Variants in DIS3L2 observed in about 807,000 individuals in gnomAD.
The protein encoded by DIS3L2 is DIS3-like exonuclease 2.
In DIS3L2, 34 loss-of-function variants were observed where a neutral mutation model predicts 97.5. That is an observed-to-expected ratio of 0.35 (90% CI 0.27 to 0.46). The LOEUF (loss-of-function observed/expected upper bound fraction) is 0.46. DIS3L2 is among the 20% of genes least tolerant of loss of function. The probability of loss-of-function intolerance (pLI) is 1.00; values close to 1 mark genes in which losing one functional copy is unlikely to be tolerated. For synonymous variants in DIS3L2, 435 were observed against 445.2 expected, an observed-to-expected ratio of 0.98 and a Z score of 0.29; for missense variants, 1,038 against 1,146.0, an observed-to-expected ratio of 0.91 and a Z score of 1.36.
chr2:232,109,184 G>A (rs1441717563), intron 6 of DIS3L2, among the ~76,000 whole-genome samples: 3 of 152,326 alleles, frequency 2.0e-5, no homozygotes, highest in East Asian at 1.9e-4. Flanking sequence ...GGTGGCTCAT[G>A]CCTGTAATCC....
chr2:232,228,000 T>G (rs148938017), intron 10 of DIS3L2, among the ~76,000 whole-genome samples: 121 of 152,308 alleles, frequency 7.9e-4, no homozygotes, highest in Admixed American at 6.9e-3. Flanking sequence ...GGAGTTTTGC[T>G]CTTGTTGCCC....
intron 9 of DIS3L2, among the ~76,000 whole-genome samples, chr2:232,170,327 A>G (rs1029338571): frequency 6.6e-6 from 1 of 152,150 alleles, no homozygotes; most frequent in African/African-American, 2.4e-5. Context: ...GAAAATGAAA[A>G]CCTAAATATT....
chr2:231,975,621 C>T (rs1693061590), intron 1 of DIS3L2, among the ~76,000 whole-genome samples: 1 of 143,734 alleles, frequency 7.0e-6, no homozygotes, highest in African/African-American at 2.6e-5. Flanking sequence ...AGGAGAATGG[C>T]GTGAACCCAG....
chr2:232,171,074 C>G (rs977313766), intron 9 of DIS3L2, among the ~76,000 whole-genome samples: 1 of 152,152 alleles, frequency 6.6e-6, no homozygotes, highest in Admixed American at 6.5e-5. Flanking sequence ...GGAAGTTAGT[C>G]CTAGTTCTCC....
At chr2:232,215,172 CCA>C (rs1692297361) in intron 10 of DIS3L2, among the ~76,000 whole-genome samples, 1 of 152,192 alleles carries the variant, frequency 6.6e-6, no homozygotes, top group Admixed American at 6.5e-5. Context: ...TACACCTTAA[CCA>C]CAGTTTAGCA....
chr2:232,042,212 C>G (rs1390341510), intron 5 of DIS3L2, among the ~76,000 whole-genome samples: 2 of 152,082 alleles, frequency 1.3e-5, no homozygotes, highest in African/African-American at 4.8e-5. Context: ...ATGGTTGTTT[C>G]AAACCTTCTT....
chr2:232,334,549 C>T, intron 18 of DIS3L2, 50 bp downstream of exon 18: 1 of 1,608,290 alleles, frequency 6.2e-7, no homozygotes, highest in Non-Finnish European at 8.5e-7. Context: ...TCCCGACCCT[C>T]CTGGGCACCT....
At chr2:232,274,363 A>T (rs1011260983) in intron 13 of DIS3L2, among the ~76,000 whole-genome samples, 1 of 152,158 alleles carries the variant, frequency 6.6e-6, no homozygotes, top group Non-Finnish European at 1.5e-5. Flanking sequence ...CCCTGCCTCC[A>T]TGTCACACTC....
intron 8 of DIS3L2, among the ~76,000 whole-genome samples, chr2:232,148,970 C>T (rs1271206606): frequency 1.4e-5 from 2 of 147,792 alleles, no homozygotes; most frequent in Non-Finnish European, 3.0e-5. Flanking sequence ...TTAGTATTGA[C>T]ACTTAAAATA....
At chr2:232,327,858 C>G (rs1319411086) in intron 14 of DIS3L2, among the ~76,000 whole-genome samples, 3 of 152,224 alleles carry the variant, frequency 2.0e-5, no homozygotes, top group Non-Finnish European at 4.4e-5. Flanking sequence ...GGCAGAGGGC[C>G]TGCCAGTGCA....
chr2:232,133,497 T>C (rs577815693), intron 7 of DIS3L2, among the ~76,000 whole-genome samples: 6 of 152,212 alleles, frequency 3.9e-5, no homozygotes, highest in South Asian at 2.1e-4. Context: ...CAGGATACAA[T>C]TGGAAACCAC....
At chr2:232,112,520 TTACTGAACTGGTAAA>T (rs776131359) in intron 6 of DIS3L2, among the ~76,000 whole-genome samples, 23 of 152,214 alleles carry the variant, frequency 1.5e-4, no homozygotes, top group Non-Finnish European at 5.9e-5. Flanking sequence ...GGAAGTCCCC[TTACTGAACTGGTAAA>T]TACAGTCTGC....
chr2:232,297,994 G>C lies in DIS3L2; in HGVS notation c.1660-2046G>C, dbSNP rs555612521. On this transcript the variant is annotated intron_variant, in intron 13 of 20. Transcript: ENST00000325385. ...TTATAGGCATGAGCCACCACATCTG[G>C]CCTCAGTCTTTCTTCTAGGAAGTCT... is the stretch of plus-strand genomic sequence containing the variant. Among the ~76,000 whole-genome samples the C allele has an allele frequency of 9.9e-4, 150 of 152,276 alleles. 1 individual carries two copies. The highest frequency in any genetic ancestry group is 3.4e-3 in the African/African-American group (141 of 41,566).
rs921440694 is a variant in DIS3L2, at chr2:232,292,078, C to T, written c.1660-7962C>T. ...CTACCTGTTCAGTAGCCCAGAGGGA[C>T]CCCTGGCATGCTTGCCTAGCCACAC... On this transcript the variant is annotated intron_variant, in intron 13 of 20. Coordinates refer to ENST00000325385, the MANE Select transcript of DIS3L2 (RefSeq NM_152383.5). The surrounding 1 kb of genome is among the most constrained non-coding windows in gnomAD (Gnocchi z 4.4). Among the ~76,000 whole-genome samples, 8 of 152,264 alleles carry T rather than the reference C, an allele frequency of 5.3e-5. No individual in the cohort carries two copies. In the East Asian group the frequency reaches 1.5e-3, roughly 29 times the overall value.
chr2:232,024,812 GTACAAGGCTCTT>G (rs1260067314), intron 4 of DIS3L2, among the ~76,000 whole-genome samples: 1 of 151,740 alleles, frequency 6.6e-6, no homozygotes, highest in African/African-American at 2.4e-5. Flanking sequence ...ATAAAACTTT[GTACAAGGCTCTT>G]TACCGTTGGG....
At chr2:232,227,926 C>T (rs567205576) in intron 10 of DIS3L2, among the ~76,000 whole-genome samples, 3 of 152,182 alleles carry the variant, frequency 2.0e-5, no homozygotes, top group African/African-American at 4.8e-5. Context: ...GTATATTTGG[C>T]TGGTAGAGAC....
chr2:232,098,177 G>A (rs575498112), intron 6 of DIS3L2, among the ~76,000 whole-genome samples: 5 of 152,082 alleles, frequency 3.3e-5, no homozygotes, highest in Non-Finnish European at 7.4e-5. Context: ...TCCTCCCTAT[G>A]AAGTTTACAA....
chr2:232,272,484 C>T (rs554443611), intron 13 of DIS3L2, among the ~76,000 whole-genome samples: 17 of 152,198 alleles, frequency 1.1e-4, no homozygotes, highest in Admixed American at 3.3e-4. Flanking sequence ...AGGGTGAAGC[C>T]GTGAGCCACA....
intron 5 of DIS3L2, among the ~76,000 whole-genome samples, chr2:232,078,021 T>TTTCTTTCTTTC (rs772990002): frequency 3.5e-5 from 4 of 112,786 alleles, no homozygotes; most frequent in Non-Finnish European, 5.2e-5. Flanking sequence ...TTCTTTCTTT[T>TTTCTTTCTTTC]TCTCTTTCTC....
Sources: allele counts gnomAD v4.1 joint callset (sites outside exome capture counted in the v4.1 genomes callset), GRCh38; gene constraint gnomAD v4.1.1; non-coding constraint Gnocchi (gnomAD v3.1); transcripts MANE v1.5; gene names NCBI Gene and HGNC (gene_info 2026-07-23, HGNC 2026-07-21).